The following PCDHGA1 variants were observed in gnomAD, a reference collection of about 807,000 sequenced individuals.
The protein encoded by PCDHGA1 is protocadherin gamma-A1.
A neutral mutation model predicts 58.0 loss-of-function variants in PCDHGA1; 32 were observed. The observed-to-expected ratio is 0.55, with a 90% confidence interval of 0.42 to 0.74. PCDHGA1 has a LOEUF of 0.74. PCDHGA1 is among the 30% of genes least tolerant of loss of function. The pLI is 0.00. For synonymous variants in PCDHGA1, 498 were observed against 501.1 expected, an observed-to-expected ratio of 0.99 and a Z score of 0.08; for missense variants, 1,205 against 1,182.3, an observed-to-expected ratio of 1.02 and a Z score of -0.28.
intron 1 of PCDHGA1, chr5:141,349,974 C>G (rs1458782132): frequency 3.5e-6 from 1 of 288,098 alleles, no homozygotes; most frequent in South Asian, 1.5e-4. Flanking sequence ...TACATAGATT[C>G]AAGAGGTTGC....
intron 3 of PCDHGA1, among the ~76,000 whole-genome samples, chr5:141,505,698 G>A (rs1041309644): frequency 2.0e-5 from 3 of 152,280 alleles, no homozygotes; most frequent in Admixed American, 6.5e-5. Context: ...GGAGGAGAGC[G>A]AACAAGGAAA....
chr5:141,431,709 T>C lies in PCDHGA1; in HGVS notation c.2422-63098T>C. On this transcript the variant is annotated intron_variant, in intron 1 of 3. Coordinates refer to ENST00000517417, the MANE Select transcript of PCDHGA1 (RefSeq NM_018912.3). This position sits in a 1 kb window ranked among gnomAD's most constrained non-coding sequence, Gnocchi z 4.8. ...CACGAGGAGTCAGGATTCTACCAGA[T>C]GGAAGTGCAAGCAATGGATAATGCA... The C allele has an allele frequency of 6.2e-7, 1 of 1,614,168 alleles. No individual in the cohort carries two copies. Among genetic ancestry groups the C allele is most frequent in the Non-Finnish European group, 8.5e-7 (1 of 1,180,018 alleles).
rs1228676619 is a variant in PCDHGA1, at chr5:141,388,743, A to T, written c.2421+55638A>T. 3 of 1,614,034 alleles carry T rather than the reference A, an allele frequency of 1.9e-6. No homozygotes were observed. The Admixed American group carries it at 5.0e-5, about 27-fold the overall frequency. On this transcript the variant is annotated intron_variant, in intron 1 of 3. Coordinates refer to ENST00000517417, the MANE Select transcript of PCDHGA1 (RefSeq NM_018912.3). ...TTTCTCTTTCAGTGAAGCTAGCCAG[A>T]TCACCCAATTTGACCTGAACTCTAA...
chr5:141,341,541 AG>A, intron 1 of PCDHGA1: 1 of 1,464,776 alleles, frequency 6.8e-7, no homozygotes, highest in Non-Finnish European at 9.1e-7. Flanking sequence ...ATTTCTTGGT[AG>A]GTCTTAGTGT....
At chr5:141,478,279 G>A (rs2099443292) in intron 1 of PCDHGA1, 1 of 1,614,202 alleles carries the variant, frequency 6.2e-7, no homozygotes, top group Middle Eastern at 1.6e-4. Context: ...ACAAGTGGAA[G>A]CAGTCTAGAG....
At chr5:141,397,965 C>A in intron 1 of PCDHGA1, 1 of 1,077,484 alleles carries the variant, frequency 9.3e-7, no homozygotes. Flanking sequence ...AGCTCAGACT[C>A]CCCAGCGCCG....
chr5:141,330,934 T>C lies in PCDHGA1; in HGVS notation c.250T>C (p.Leu84=). The C allele has an allele frequency of 1.2e-6, 2 of 1,614,220 alleles. No homozygotes were observed. The highest frequency in any genetic ancestry group is 1.7e-6 in the Non-Finnish European group (2 of 1,180,044). The change falls in exon 1 of 4, where the codon TTG becomes CTG. Residue 84 remains leucine, a synonymous_variant. Transcript: ENST00000517417. ...LFALNPRSGS[L]ITARRIDREE... ...CGCTCTGAATCCTAGAAGTGGCAGC[T>C]TGATCACCGCGCGCAGGATAGACCG... is the stretch of plus-strand genomic sequence containing the variant.
At chr5:141,340,069 T>A in intron 1 of PCDHGA1, 2 of 1,614,080 alleles carry the variant, frequency 1.2e-6, no homozygotes. Flanking sequence ...GAACCATAAT[T>A]GGGCTTTTTA....
intron 1 of PCDHGA1, among the ~76,000 whole-genome samples, chr5:141,457,665 G>A (rs2098927092): frequency 6.6e-6 from 1 of 152,330 alleles, no homozygotes; most frequent in Non-Finnish European, 1.5e-5. Flanking sequence ...AGCAAGAATG[G>A]TTATTTCTAC....
At chr5:141,448,948 A>AAAAC (rs1237948751) in intron 1 of PCDHGA1, among the ~76,000 whole-genome samples, 2 of 152,170 alleles carry the variant, frequency 1.3e-5, no homozygotes, top group African/African-American at 2.4e-5. Flanking sequence ...GCAACTCAAA[A>AAAAC]AAACAAACAA....
Position 141,490,685 on chromosome 5 carries a change from A to G in PCDHGA1, c.2422-4122A>G, listed in dbSNP as rs2099703028. On this transcript the variant is annotated intron_variant, in intron 1 of 3. Coordinates refer to ENST00000517417, the MANE Select transcript of PCDHGA1 (RefSeq NM_018912.3). The surrounding 1 kb of genome is among the most constrained non-coding windows in gnomAD (Gnocchi z 5.4). ...TGCACTGTGGCTGCCTCAGATCCAGACACTGGGGATAATGCCCGCCTCACC... is the reference window on the plus strand; with the variant it reads ...TGCACTGTGGCTGCCTCAGATCCAGGCACTGGGGATAATGCCCGCCTCACC... The G allele has an allele frequency of 1.9e-6, 3 of 1,614,030 alleles. No individual in the cohort carries two copies. Among genetic ancestry groups the G allele is most frequent in the South Asian group, 2.2e-5 (2 of 91,082 alleles).
chr5:141,397,012 A>C (rs944352237), intron 1 of PCDHGA1, among the ~76,000 whole-genome samples: 2 of 152,260 alleles, frequency 1.3e-5, no homozygotes, highest in African/African-American at 4.8e-5. Flanking sequence ...AATGGACTAA[A>C]GAAGGTTGAC....
At chr5:141,350,187 C>T (rs1487170338) in intron 1 of PCDHGA1, 9 of 1,358,066 alleles carry the variant, frequency 6.6e-6, no homozygotes, top group Non-Finnish European at 8.8e-6. Context: ...GCTCAAATCA[C>T]AGAAGTCCAG....
chr5:141,388,676 G>C, intron 1 of PCDHGA1: 1 of 1,613,946 alleles, frequency 6.2e-7, no homozygotes, highest in Non-Finnish European at 8.5e-7. Context: ...TGCTACAGGT[G>C]ACTGCCACGG....
At chr5:141,361,795 G>A (rs750920407) in intron 1 of PCDHGA1, 2 of 1,613,220 alleles carry the variant, frequency 1.2e-6, no homozygotes, top group East Asian at 2.2e-5. Context: ...GTTAGTGGGC[G>A]ACCTCAATGA....
intron 1 of PCDHGA1, among the ~76,000 whole-genome samples, chr5:141,488,854 A>G (rs923370040): frequency 1.3e-5 from 2 of 152,226 alleles, no homozygotes; most frequent in Admixed American, 1.3e-4. Context: ...AACCTGCAGC[A>G]CGAAGTGAGT....
chr5:141,404,185 C>T, intron 1 of PCDHGA1: 1 of 1,613,214 alleles, frequency 6.2e-7, no homozygotes, highest in Non-Finnish European at 8.5e-7. Context: ...AAATTCTTGA[C>T]CGAGAAAAAG....
rs1444897635 is a variant in PCDHGA1 at position 141,366,887 on chromosome 5, A to G, written c.2421+33782A>G. ...GCTGTATTGGAGATTAATTTTTTTT[A>G]TATAATTCATGCTTTCTCCATTTGT... On this transcript the variant is annotated intron_variant, in intron 1 of 3. Coordinates refer to ENST00000517417, the MANE Select transcript of PCDHGA1 (RefSeq NM_018912.3). 3.2e-6 allele frequency: 4 copies of G among 1,269,488 alleles called. No homozygotes were observed. The South Asian group carries it at 4.6e-5, about 15-fold the overall frequency. 78.6% of individuals were successfully genotyped at this position (1,269,488 alleles called of 1,614,324 possible).
In PCDHGA1 at chr5:141,356,315, A is replaced by G. The variant is rs748014079; in HGVS notation, c.2421+23210A>G. 1.7e-5 allele frequency: 27 copies of G among 1,554,222 alleles called. No homozygotes were observed. The highest frequency in any genetic ancestry group is 1.9e-5 in the Non-Finnish European group (22 of 1,148,376). On this transcript the variant is annotated intron_variant, in intron 1 of 3. Coordinates refer to ENST00000517417, the MANE Select transcript of PCDHGA1 (RefSeq NM_018912.3). ...ACAGTAATTGCACTTTTCAACGTGC[A>G]TGACAGTGACTCAGGAGGAAATGGC...
Sources: gnomAD v4.1 joint callset for allele counts (sites outside exome capture counted in the v4.1 genomes callset) on GRCh38, gnomAD v4.1.1 for gene constraint, Gnocchi (gnomAD v3.1) non-coding constraint, MANE v1.5 for transcripts, NCBI Gene and HGNC (gene_info 2026-07-23, HGNC 2026-07-21) for gene names.